PNPT1: variants seen among roughly 807,000 people sequenced by gnomAD.
PNPT1 encodes the protein polyribonucleotide nucleotidyltransferase 1, mitochondrial.
Under a neutral mutation model 119.5 loss-of-function variants are expected in PNPT1, and 53 were observed. That is an observed-to-expected ratio of 0.44 (90% CI 0.36 to 0.56). The LOEUF is 0.56. PNPT1 is among the 20% of genes least tolerant of loss of function. The pLI is 0.00. For synonymous variants in PNPT1, 357 were observed against 322.1 expected, an observed-to-expected ratio of 1.11 and a Z score of -1.16; for missense variants, 948 against 938.5, an observed-to-expected ratio of 1.01 and a Z score of -0.13.
intron 25 of PNPT1, among the ~76,000 whole-genome samples, chr2:55,642,709 ATATACTATACCTT>A (rs1695873345): frequency 6.6e-6 from 1 of 151,902 alleles, no homozygotes; most frequent in South Asian, 2.1e-4. Flanking sequence ...AGAAAACAAA[ATATACTATACCTT>A]AAAAAATAAT....
chr2:55,684,953 A>G lies in PNPT1; in HGVS notation c.393T>C (p.Ser131=), dbSNP rs556778073. The G allele has an allele frequency of 4.5e-5, 71 of 1,572,538 alleles. 1 individual carries two copies. The South Asian group carries it at 7.8e-4, about 17-fold the overall frequency. ...IGTSDKEILT[S]RIIDRSIRPL... Reference sequence around the variant, plus strand: ...ATGTTAATATCTTACCTATTATTCGACTTGTTAGAATTTCTTTATCAGAAG... The same window carrying G: ...ATGTTAATATCTTACCTATTATTCGGCTTGTTAGAATTTCTTTATCAGAAG... The change falls in exon 4 of 28, where the codon AGT becomes AGC. Residue 131 remains serine, a synonymous_variant. Transcript: ENST00000447944.
At chr2:55,644,570 G>T in intron 23 of PNPT1, 67 bp downstream of exon 23, 1 of 1,176,786 alleles carries the variant, frequency 8.5e-7, no homozygotes, top group Non-Finnish European at 1.2e-6. Context: ...ACATACTAGA[G>T]ATGAAATAGC....
intron 1 of PNPT1, among the ~76,000 whole-genome samples, chr2:55,691,153 G>A (rs1318523110): frequency 1.3e-5 from 2 of 152,190 alleles, no homozygotes; most frequent in African/African-American, 4.8e-5. Flanking sequence ...AACTGTGAAA[G>A]CTACAGTTCT....
intron 14 of PNPT1, 117 bp downstream of exon 14, chr2:55,661,839 T>A: frequency 1.0e-6 from 1 of 957,434 alleles, no homozygotes; most frequent in Non-Finnish European, 1.4e-6. Flanking sequence ...AACAGAAAAA[T>A]GAAGTACAAA....
chr2:55,668,597 T>G (rs1381246252), intron 11 of PNPT1, among the ~76,000 whole-genome samples: 1 of 151,304 alleles, frequency 6.6e-6, no homozygotes, highest in Non-Finnish European at 1.5e-5. Context: ...ATGGAAAAGG[T>G]CTGACAGTCT....
intron 18 of PNPT1, among the ~76,000 whole-genome samples, chr2:55,653,753 A>AT (rs774491705): frequency 5.3e-5 from 8 of 152,086 alleles, no homozygotes; most frequent in Non-Finnish European, 1.0e-4. Context: ...TTTAGTTTCA[A>AT]TTTTTCTAGA....
At chr2:55,664,887 C>T (rs1265862632) in intron 13 of PNPT1, among the ~76,000 whole-genome samples, 1 of 152,022 alleles carries the variant, frequency 6.6e-6, no homozygotes, top group Non-Finnish European at 1.5e-5. Context: ...TATGATTCTT[C>T]TCTCAGATTA....
chr2:55,654,855 ACAGGCATGAGCAATAT>A lies in PNPT1; in HGVS notation c.1495+29_1495+44del, dbSNP rs757839092. 5.2e-6 allele frequency: 8 copies of A among 1,550,738 alleles called. No homozygotes were observed. In the Admixed American group the frequency reaches 1.0e-4, roughly 20 times the overall value. ...CCTCCCAAGGCTCATGCCTGGGATT[ACAGGCATGAGCAATAT>A]CAGCAGTTTTGAGACATAATTCTTT... On this transcript the variant is annotated intron_variant, in intron 18 of 27. Transcript: ENST00000447944.
intron 26 of PNPT1, among the ~76,000 whole-genome samples, chr2:55,639,283 A>G (rs866539576): frequency 1.4e-4 from 21 of 152,272 alleles, no homozygotes; most frequent in African/African-American, 4.3e-4. Flanking sequence ...TTTCAAAATA[A>G]TAAGGTGAAA....
chr2:55,678,243 G>A (rs1334268843), intron 8 of PNPT1, among the ~76,000 whole-genome samples: 1 of 152,140 alleles, frequency 6.6e-6, no homozygotes, highest in Non-Finnish European at 1.5e-5. Context: ...CTTTGCTCAA[G>A]GCTCCGAGAT....
At chr2:55,689,061 A>G (rs192428864) in intron 1 of PNPT1, among the ~76,000 whole-genome samples, 171 of 152,330 alleles carry the variant, frequency 1.1e-3, no homozygotes, top group Non-Finnish European at 3.4e-4. Context: ...CTTAAATATG[A>G]CATCAAAAGC....
intron 26 of PNPT1, among the ~76,000 whole-genome samples, chr2:55,637,850 A>G (rs979102952): frequency 6.6e-5 from 10 of 152,038 alleles, no homozygotes; most frequent in African/African-American, 2.4e-4. Flanking sequence ...AATGCAAAAA[A>G]TTAGCCGGGC....
At chr2:55,663,032 G>A (rs973444207) in intron 13 of PNPT1, among the ~76,000 whole-genome samples, 43 of 152,044 alleles carry the variant, frequency 2.8e-4, no homozygotes, top group African/African-American at 9.9e-4. Context: ...CTACAGGTGC[G>A]TGCCACCACG....
At chr2:55,676,159 C>T (rs1697063519) in intron 8 of PNPT1, among the ~76,000 whole-genome samples, 1 of 149,922 alleles carries the variant, frequency 6.7e-6, no homozygotes, top group East Asian at 2.0e-4. Context: ...ACTTGGGAGG[C>T]CGAGTCAAGA....
At chr2:55,642,082 C>T (rs1053470520) in intron 25 of PNPT1, among the ~76,000 whole-genome samples, 17 of 152,064 alleles carry the variant, frequency 1.1e-4, no homozygotes, top group African/African-American at 4.1e-4. Context: ...CTTCCTGATC[C>T]ACCTGCCTTG....
chr2:55,657,665 C>A (rs1298818110), intron 15 of PNPT1, among the ~76,000 whole-genome samples: 1 of 151,506 alleles, frequency 6.6e-6, no homozygotes, highest in Non-Finnish European at 1.5e-5. Flanking sequence ...GGATTACAGG[C>A]ATGAGCCACC....
At chr2:55,638,224 T>C (rs1695734355) in intron 26 of PNPT1, among the ~76,000 whole-genome samples, 1 of 150,008 alleles carries the variant, frequency 6.7e-6, no homozygotes, top group African/African-American at 2.5e-5. Context: ...ATTGCCTGAA[T>C]CTGGGAGGCA....
chr2:55,681,844 CAAA>C (rs374935154), intron 5 of PNPT1, among the ~76,000 whole-genome samples: 1 of 129,946 alleles, frequency 7.7e-6, no homozygotes, highest in Non-Finnish European at 1.6e-5. Context: ...AACTCCATTT[CAAA>C]AAAAAAAAAA....
intron 5 of PNPT1, among the ~76,000 whole-genome samples, 176 bp downstream of exon 5, chr2:55,683,609 T>C (rs1230707283): frequency 2.4e-5 from 3 of 127,440 alleles, no homozygotes; most frequent in African/African-American, 8.9e-5. Context: ...TGAGACTCTG[T>C]CTCAAAAAAA....
Sources: gnomAD v4.1 joint callset for allele counts (sites outside exome capture counted in the v4.1 genomes callset) on GRCh38, gnomAD v4.1.1 for gene constraint, MANE v1.5 for transcripts, NCBI Gene and HGNC (gene_info 2026-07-23, HGNC 2026-07-21) for gene names.